Variants in ARHGEF38 observed in about 807,000 individuals in gnomAD.
The protein encoded by ARHGEF38 is Rho guanine nucleotide exchange factor (GEF) 38.
ARHGEF38 carries 79 observed loss-of-function variants against 79.9 expected under a neutral mutation model. That is an observed-to-expected ratio of 0.99 (90% CI 0.82 to 1.19). The LOEUF (loss-of-function observed/expected upper bound fraction) is 1.19, where lower values mean the gene tolerates loss of function less well. Ranked by LOEUF, ARHGEF38 falls within the 50% of genes most tolerant of loss-of-function variation. The pLI is 0.00. For missense variants in ARHGEF38, 962 were observed against 907.2 expected (o/e 1.06, Z -0.78); for synonymous variants, 366 against 328.3 (o/e 1.11, Z -1.24).
intron 1 of ARHGEF38, among the ~76,000 whole-genome samples, chr4:105,575,135 T>C (rs962115009): frequency 2.0e-5 from 3 of 152,184 alleles, no homozygotes; most frequent in African/African-American, 4.8e-5. Flanking sequence ...CAAGTACATG[T>C]GTCTTTTTCA....
chr4:105,575,969 C>G (rs530050182), intron 1 of ARHGEF38, among the ~76,000 whole-genome samples: 23 of 152,138 alleles, frequency 1.5e-4, no homozygotes, highest in Admixed American at 3.3e-4. Context: ...AAGCATTTGA[C>G]TTTATTTCTG....
intron 7 of ARHGEF38, among the ~76,000 whole-genome samples, chr4:105,650,126 C>T (rs1219825082): frequency 6.6e-6 from 1 of 152,138 alleles, no homozygotes; most frequent in Non-Finnish European, 1.5e-5. Context: ...ATATCATCAC[C>T]TTGTATGGTT....
intron 3 of ARHGEF38, among the ~76,000 whole-genome samples, chr4:105,617,729 T>C (rs1365162621): frequency 6.6e-6 from 1 of 152,138 alleles, no homozygotes; most frequent in Non-Finnish European, 1.5e-5. Context: ...AAATAACAAT[T>C]ATTAAAAACA....
In ARHGEF38 at chr4:105,660,735, C is replaced by G. The variant is rs566467200; in HGVS notation, c.1545+1370C>G. ...GATTATAGGCATGAGCCACTGCGCC[C>G]AGCCTGAGCTTCCTAATTCTTTTTA... On this transcript the variant is annotated intron_variant, in intron 10 of 13. Coordinates refer to ENST00000420470, the MANE Select transcript of ARHGEF38 (RefSeq NM_001242729.2). 4.6e-5 allele frequency among the ~76,000 whole-genome samples: 7 copies of G among 152,280 alleles called. No homozygotes were observed. The South Asian group carries it at 1.4e-3, about 32-fold the overall frequency.
At chr4:105,554,131 G>A (rs2110382922) in intron 1 of ARHGEF38, among the ~76,000 whole-genome samples, 1 of 152,046 alleles carries the variant, frequency 6.6e-6, no homozygotes, top group South Asian at 2.1e-4. Flanking sequence ...AAATGAGGGA[G>A]AGCATTGTTT....
chr4:105,654,467 T>A (rs1466132737), intron 8 of ARHGEF38, among the ~76,000 whole-genome samples: 1 of 152,154 alleles, frequency 6.6e-6, no homozygotes, highest in Non-Finnish European at 1.5e-5. Context: ...CAGAGATGAG[T>A]TCATTAACAC....
intron 1 of ARHGEF38, among the ~76,000 whole-genome samples, chr4:105,569,267 T>C (rs1184213881): frequency 6.6e-6 from 1 of 152,238 alleles, no homozygotes; most frequent in African/African-American, 2.4e-5. Context: ...GATGTTATTA[T>C]ATTATGCTAA....
At chr4:105,632,977 G>A (rs899548455) in intron 4 of ARHGEF38, 10 of 152,670 alleles carry the variant, frequency 6.6e-5, no homozygotes, top group African/African-American at 2.4e-4. Context: ...GCTAAAGGCA[G>A]AGGTGATTTT....
At chr4:105,644,884 A>T (rs1408804085) in intron 5 of ARHGEF38, among the ~76,000 whole-genome samples, 2 of 152,186 alleles carry the variant, frequency 1.3e-5, no homozygotes, top group African/African-American at 4.8e-5. Flanking sequence ...ATTGTTTCCC[A>T]TTATATTATA....
At chr4:105,603,377 G>C (rs982061599) in intron 2 of ARHGEF38, among the ~76,000 whole-genome samples, 1 of 152,064 alleles carries the variant, frequency 6.6e-6, no homozygotes, top group Non-Finnish European at 1.5e-5. Context: ...CCTGACCCTC[G>C]GGAGGATGGG....
At chr4:105,588,977 T>G (rs1333229027) in intron 1 of ARHGEF38, among the ~76,000 whole-genome samples, 1 of 152,254 alleles carries the variant, frequency 6.6e-6, no homozygotes, top group Non-Finnish European at 1.5e-5. Context: ...GAATACCGGC[T>G]TTATAGGCTA....
At chr4:105,592,908 C>G (rs1272497113) in intron 2 of ARHGEF38, among the ~76,000 whole-genome samples, 1 of 152,166 alleles carries the variant, frequency 6.6e-6, no homozygotes, top group Non-Finnish European at 1.5e-5. Flanking sequence ...AGGATGACCT[C>G]TCTCTGCTAG....
intron 6 of ARHGEF38, among the ~76,000 whole-genome samples, chr4:105,647,555 G>A (rs1248303151): frequency 6.6e-6 from 1 of 152,104 alleles, no homozygotes; most frequent in Non-Finnish European, 1.5e-5. Context: ...CTTGATTATG[G>A]AAAGCAGATT....
intron 1 of ARHGEF38, chr4:105,561,479 A>AGAATAGAATAGAATG (rs1725595396): frequency 1.9e-5 from 1 of 53,350 alleles, no homozygotes; most frequent in Non-Finnish European, 4.1e-5. Context: ...AGAATAGAAT[A>AGAATAGAATAGAATG]GAATAGAATA....
At chr4:105,634,671 G>GC in intron 4 of ARHGEF38, among the ~76,000 whole-genome samples, 1 of 152,082 alleles carries the variant, frequency 6.6e-6, no homozygotes. Context: ...CATTTCAGAG[G>GC]CCCCAGAGAT....
At chr4:105,562,800 C>T (rs182069840) in intron 1 of ARHGEF38, among the ~76,000 whole-genome samples, 5 of 152,108 alleles carry the variant, frequency 3.3e-5, no homozygotes, top group Admixed American at 2.0e-4. Context: ...AATAGAGATT[C>T]GGGTGGAGGG....
At chr4:105,561,582 T>C (rs942341261) in intron 1 of ARHGEF38, 2 of 152,024 alleles carry the variant, frequency 1.3e-5, no homozygotes, top group Non-Finnish European at 2.9e-5. Context: ...CAGATTTTTA[T>C]CACTGAAGTC....
chr4:105,680,007 G>C lies in ARHGEF38; in HGVS notation c.*2070G>C. The C allele has an allele frequency of 4.7e-6, 5 of 1,065,650 alleles. No individual in the cohort carries two copies. Among genetic ancestry groups the C allele is most frequent in the Non-Finnish European group, 7.3e-6 (5 of 684,898 alleles). 66.0% of individuals were successfully genotyped at this position (1,065,650 alleles called of 1,614,324 possible). ...AACACAGTGCATTCTGTTTTGTGCG[G>C]ATTCATGGCCATGTCAGTTACATTC... On this transcript the variant is annotated 3_prime_UTR_variant, in exon 14 of 14. Transcript: ENST00000420470.
intron 2 of ARHGEF38, among the ~76,000 whole-genome samples, chr4:105,593,823 C>T (rs1485976899): frequency 1.3e-5 from 2 of 152,060 alleles, no homozygotes; most frequent in Admixed American, 1.3e-4. Context: ...ATAAGCAGTT[C>T]TCAGAATTGG....
Sources: gnomAD v4.1 joint callset for allele counts (sites outside exome capture counted in the v4.1 genomes callset) on GRCh38, gnomAD v4.1.1 for gene constraint, MANE v1.5 for transcripts, NCBI Gene and HGNC (gene_info 2026-07-23, HGNC 2026-07-21) for gene names.